Variants in ABCA10 observed in about 807,000 individuals in gnomAD.
The protein encoded by ABCA10 is ATP-binding cassette sub-family A member 10.
In ABCA10, 169 loss-of-function variants were observed where a neutral mutation model predicts 187.5. The observed-to-expected ratio is 0.90, with a 90% confidence interval of 0.80 to 1.02. The LOEUF (loss-of-function observed/expected upper bound fraction) is 1.02, where lower values mean the gene tolerates loss of function less well. Among genes scored for constraint, ABCA10 ranks in the 50% least tolerant of loss-of-function variants. The pLI is 0.00. For missense variants in ABCA10, 1,727 were observed against 1,812.4 expected, an observed-to-expected ratio of 0.95 and a Z score of 0.86; for synonymous variants, 574 against 601.8, an observed-to-expected ratio of 0.95 and a Z score of 0.68.
At chr17:69,238,512 GC>G (rs2074885705) in intron 1 of ABCA10, among the ~76,000 whole-genome samples, 4 of 152,120 alleles carry the variant, frequency 2.6e-5, no homozygotes, top group Admixed American at 2.0e-4. Flanking sequence ...CTATGAACTA[GC>G]TCTAGGCTAG....
intron 25 of ABCA10, among the ~76,000 whole-genome samples, 180 bp from the exon 26 acceptor site, chr17:69,165,263 T>C (rs2074247135): frequency 6.6e-6 from 1 of 152,120 alleles, no homozygotes; most frequent in South Asian, 2.1e-4. Flanking sequence ...AACTAAAACA[T>C]AGGATTACAA....
chr17:69,225,482 C>T lies in ABCA10; in HGVS notation c.-124G>A, dbSNP rs563010897. ...GAAAACGGGTAGCTCTGAAGTGTTC[C>T]GAAAAGATGCACAAATATAGCCCTA... is the stretch of plus-strand genomic sequence containing the variant. On this transcript the variant is annotated 5_prime_UTR_variant, in exon 3 of 39. Transcript: ENST00000690296. 19 of 831,278 alleles carry T rather than the reference C, an allele frequency of 2.3e-5. No individual in the cohort carries two copies. Among genetic ancestry groups the T allele is most frequent in the Admixed American group, 2.0e-4 (8 of 39,252 alleles). The allele number at this position is 831,278 out of a possible 1,614,324, so 51.5% of individuals were successfully genotyped here. A position where few individuals can be genotyped will look rare whatever the true frequency, so the allele number is the denominator to read the frequency against.
chr17:69,153,023 C>T (rs1257487318), intron 34 of ABCA10, among the ~76,000 whole-genome samples: 1 of 151,702 alleles, frequency 6.6e-6, no homozygotes, highest in Admixed American at 6.6e-5. Context: ...CTTTCAATAA[C>T]TGAAAAATGA....
rs1290123507 is a variant in ABCA10, at chr17:69,177,977, T to A, written c.2770-2464A>T. Among the ~76,000 whole-genome samples, 5 of 130,322 alleles carry A rather than the reference T, an allele frequency of 3.8e-5. 1 individual carries two copies. Among genetic ancestry groups the A allele is most frequent in the South Asian group, 2.4e-4 (1 of 4,094 alleles). The allele number at this position is 130,322 out of a possible 152,430, so 85.5% of individuals were successfully genotyped here. A position where few individuals can be genotyped will look rare whatever the true frequency, so the allele number is the denominator to read the frequency against. Reference sequence around the variant, plus strand: ...TTTCAAAAAAAAAAAAAAAAAAATATATATATATATATATGTTATATATAT... The same window carrying A: ...TTTCAAAAAAAAAAAAAAAAAAATAAATATATATATATATGTTATATATAT... On this transcript the variant is annotated intron_variant, in intron 22 of 38. Coordinates refer to ENST00000690296, the MANE Select transcript of ABCA10 (RefSeq NM_001377321.1).
intron 35 of ABCA10, 43 bp from the exon 36 acceptor site, chr17:69,152,226 T>G (rs773694309): frequency 1.3e-6 from 2 of 1,586,558 alleles, no homozygotes; most frequent in Non-Finnish European, 1.7e-6. Context: ...TCTCTTAATT[T>G]CTTCCTCGGT....
At position 69,216,366 on chromosome 17, in the gene ABCA10, A is replaced by G; in HGVS notation, c.531-8T>C. ...GTCAATCCCCAGGAGAGCCTATAGTAGAAACAAGGTGTTAGTTCAACTGTC... is the reference window on the plus strand; with the variant it reads ...GTCAATCCCCAGGAGAGCCTATAGTGGAAACAAGGTGTTAGTTCAACTGTC... On this transcript the variant is annotated splice_polypyrimidine_tract_variant and splice_region_variant and intron_variant, in intron 6 of 38. Coordinates refer to ENST00000690296, the MANE Select transcript of ABCA10 (RefSeq NM_001377321.1). 6.2e-7 allele frequency: 1 copy of G among 1,605,212 alleles called. No homozygotes were observed.
Position 69,155,812 on chromosome 17 carries a change from A to G in ABCA10, c.3569T>C (p.Leu1190Ser). The change falls in exon 29 of 39, where the codon TTG (leucine) becomes TCG (serine). Residue 1190 changes from leucine to serine, a missense_variant. Physicochemically the swap from Leu to Ser is moderately radical, Grantham distance 145 (BLOSUM62 -2). Coordinates refer to ENST00000690296, the MANE Select transcript of ABCA10 (RefSeq NM_001377321.1). ...QAANALTAPN[L>S]EEEPVITASC... ...CTAATCCCTGCTGTTCACCTCCTCC[A>G]AGTTTGGAGCAGTGAGTGCATTTGC... 6.2e-7 allele frequency: 1 copy of G among 1,613,578 alleles called. No individual in the cohort carries two copies. The highest frequency in any genetic ancestry group is 1.1e-5 in the South Asian group (1 of 91,032).
In ABCA10 at chr17:69,219,592, T is replaced by A; in HGVS notation, c.483A>T (p.Lys161Asn). 19 of 1,608,558 alleles carry A rather than the reference T, an allele frequency of 1.2e-5. No individual in the cohort carries two copies. Among genetic ancestry groups the A allele is most frequent in the Non-Finnish European group, 1.5e-5 (18 of 1,177,986 alleles). Reference sequence around the variant, plus strand: ...CCATCACTGTCATCAGTTTCTTAAATTTTCCTCTTTCCCTTGCAACATTTA... The same window carrying A: ...CCATCACTGTCATCAGTTTCTTAAAATTTCCTCTTTCCCTTGCAACATTTA... ...ASLNVARERG[K>N]FKKLMTVMGL... is the part of the protein sequence containing the mutation. The change falls in exon 6 of 39, where the codon AAA (lysine) becomes AAT (asparagine). Residue 161 changes from lysine (K) to asparagine (N), a missense_variant. Coordinates refer to ENST00000690296, the MANE Select transcript of ABCA10 (RefSeq NM_001377321.1).
At position 69,153,858 on chromosome 17, in the gene ABCA10, T is replaced by G. The variant is rs2074150887; in HGVS notation, c.3938A>C (p.Lys1313Thr). ...ELYAAVKGLG[K>T]EDAALSISRL... ...TGAAATACTGAGAGCAGCATCTTCT[T>G]TGCCCAGTCCTTTCACAGCTGCATA... The change falls in exon 32 of 39, where the codon AAA becomes ACA. Residue 1313 changes from lysine (K) to threonine (T), a missense_variant. Lys to Thr is a moderately conservative substitution (Grantham distance 78, BLOSUM62 -1). Coordinates refer to ENST00000690296, the MANE Select transcript of ABCA10 (RefSeq NM_001377321.1). 6.2e-7 allele frequency: 1 copy of G among 1,613,810 alleles called. No homozygotes were observed. The highest frequency in any genetic ancestry group is 1.1e-5 in the South Asian group (1 of 91,018).
intron 9 of ABCA10, among the ~76,000 whole-genome samples, chr17:69,209,431 G>C (rs1720450699): frequency 6.6e-6 from 1 of 152,158 alleles, no homozygotes; most frequent in South Asian, 2.1e-4. Flanking sequence ...CACGAAATTG[G>C]AAAACTGTAT....
chr17:69,236,511 G>A (rs888268842), intron 1 of ABCA10, among the ~76,000 whole-genome samples: 2 of 152,122 alleles, frequency 1.3e-5, no homozygotes, highest in African/African-American at 4.8e-5. Flanking sequence ...GATTAGAATC[G>A]AAATTTTCTC....
At chr17:69,215,576 T>G (rs1368427425) in intron 8 of ABCA10, 2 of 344,370 alleles carry the variant, frequency 5.8e-6, no homozygotes, top group African/African-American at 4.3e-5. Context: ...TATTTCTCAG[T>G]GGTCAGATAA....
intron 25 of ABCA10, among the ~76,000 whole-genome samples, chr17:69,173,706 T>C (rs2074313227): frequency 6.6e-6 from 1 of 152,152 alleles, no homozygotes; most frequent in Non-Finnish European, 1.5e-5. Flanking sequence ...GTTTTAATGT[T>C]TGAAATGGTC....
intron 1 of ABCA10, among the ~76,000 whole-genome samples, chr17:69,242,210 CA>C (rs1290996320): frequency 3.9e-5 from 6 of 152,172 alleles, no homozygotes; most frequent in Admixed American, 3.9e-4. Flanking sequence ...AATCACATAA[CA>C]ATATCAATAG....
At chr17:69,195,706 G>A (rs929850238) in intron 11 of ABCA10, among the ~76,000 whole-genome samples, 10 of 151,776 alleles carry the variant, frequency 6.6e-5, no homozygotes, top group South Asian at 2.1e-4. Flanking sequence ...AGGACCCTGC[G>A]GTCTTCCGCA....
At chr17:69,205,154 T>A (rs990790180) in intron 9 of ABCA10, among the ~76,000 whole-genome samples, 1 of 151,938 alleles carries the variant, frequency 6.6e-6, no homozygotes, top group Non-Finnish European at 1.5e-5. Flanking sequence ...AAATTAGATT[T>A]AAAAATACGT....
In ABCA10 at chr17:69,225,433, C is replaced by T. The variant is rs1646961721; in HGVS notation, c.-75G>A. ...GAGTCATTAAACTGATCCACGCTTC[C>T]CAGGACTTTAGGAGGTTGTTCAGGA... On this transcript the variant is annotated 5_prime_UTR_variant, in exon 3 of 39. Coordinates refer to ENST00000690296, the MANE Select transcript of ABCA10 (RefSeq NM_001377321.1). The T allele has an allele frequency of 6.5e-7, 1 of 1,526,998 alleles. No homozygotes were observed. The allele number at this position is 1,526,998 out of a possible 1,614,324, so 94.6% of individuals were successfully genotyped here. A position where few individuals can be genotyped will look rare whatever the true frequency, so the allele number is the denominator to read the frequency against.
chr17:69,222,846 A>C, intron 3 of ABCA10, 149 bp from the exon 4 acceptor site: 5 of 672,196 alleles, frequency 7.4e-6, no homozygotes, highest in Non-Finnish European at 1.1e-5. Context: ...GCTGAGTGAA[A>C]CTATTGTTTT....
intron 2 of ABCA10, 80 bp from the exon 3 acceptor site, chr17:69,225,609 C>T (rs1032048443): frequency 1.2e-5 from 5 of 405,120 alleles, no homozygotes; most frequent in Non-Finnish European, 2.2e-5. Flanking sequence ...ATTTTTAAGG[C>T]AGAATGTATT....
Sources: allele counts gnomAD v4.1 joint callset (sites outside exome capture counted in the v4.1 genomes callset), GRCh38; gene constraint gnomAD v4.1.1; transcripts MANE v1.5; gene names NCBI Gene and HGNC (gene_info 2026-07-23, HGNC 2026-07-21).